The following PLEKHG3 variants were observed in gnomAD, a reference collection of about 807,000 sequenced individuals.
The protein encoded by PLEKHG3 is pleckstrin homology and RhoGEF domain containing G3.
PLEKHG3 carries 62 observed loss-of-function variants against 94.9 expected under a neutral mutation model. The observed-to-expected ratio is 0.65, with a 90% CI of 0.53 to 0.81. The LOEUF (loss-of-function observed/expected upper bound fraction) is 0.81. Among genes scored for constraint, PLEKHG3 ranks in the 30% least tolerant of loss-of-function variants. The pLI, the probability that PLEKHG3 is intolerant of heterozygous loss-of-function variation, is 0.00. For synonymous variants in PLEKHG3, 614 were observed against 654.0 expected (o/e 0.94, Z 0.93); for missense variants, 1,461 against 1,619.3 (o/e 0.90, Z 1.68).
rs778521147 is a variant in PLEKHG3 at position 64,741,495 on chromosome 14, T to C, written c.1978T>C (p.Ser660Pro). 19 of 1,612,596 alleles carry C rather than the reference T, an allele frequency of 1.2e-5. No individual in the cohort carries two copies. In the East Asian group the frequency reaches 3.8e-4, roughly 32 times the overall value. The change falls in exon 16 of 17, where the codon TCC (serine) becomes CCC (proline). Residue 660 changes from serine (S) to proline (P), a missense_variant. Coordinates refer to ENST00000247226, the MANE Select transcript of PLEKHG3 (RefSeq NM_001308147.2). ...GLARHGSATDSLSCQLSPEVD... is the reference protein window; with the variant it reads ...GLARHGSATDPLSCQLSPEVD... ...GGCCCGGCATGGCAGTGCCACAGAC[T>C]CCCTCAGCTGTCAGCTCTCCCCAGA...
In PLEKHG3 at chr14:64,744,358, T is replaced by C. The variant is rs1251505738; in HGVS notation, c.*655T>C. 1 of 152,692 alleles carries C rather than the reference T, an allele frequency of 6.5e-6. No individual in the cohort carries two copies. Among genetic ancestry groups the C allele is most frequent in the African/African-American group, 2.4e-5 (1 of 41,460 alleles). 9.5% of individuals were successfully genotyped at this position (152,692 alleles called of 1,614,324 possible). On this transcript the variant is annotated 3_prime_UTR_variant, in exon 17 of 17. Transcript: ENST00000247226. ...GCTGACCAACCCACTATGTGTGAAC[T>C]CCTTCCTAGGCTTGGCTGGGGTAGG...
Position 64,721,394 on chromosome 14 carries a change from C to T in PLEKHG3, c.-39-6199C>T, listed in dbSNP as rs1396292262. 6.6e-6 allele frequency among the ~76,000 whole-genome samples: 1 copy of T among 152,152 alleles called. No homozygotes were observed. The highest frequency in any genetic ancestry group is 1.9e-4 in the East Asian group (1 of 5,180). ...AACTTTCTGGACTTCAGTTGCAGGC[C>T]CAGGCTTTCTCCTGGAGTCCATGTG... On this transcript the variant is annotated intron_variant, in intron 1 of 16. Coordinates refer to ENST00000247226, the MANE Select transcript of PLEKHG3 (RefSeq NM_001308147.2). The surrounding 1 kb of genome is among the most constrained non-coding windows in gnomAD (Gnocchi z 4.3).
Position 64,727,641 on chromosome 14 carries a change from T to A in PLEKHG3, c.10T>A (p.Ser4Thr), listed in dbSNP as rs2081377415. 6.2e-7 allele frequency: 1 copy of A among 1,609,714 alleles called. No homozygotes were observed. The highest frequency in any genetic ancestry group is 8.5e-7 in the Non-Finnish European group (1 of 1,177,496). Residue 4 changes from serine (S) to threonine (T), a missense_variant, in exon 2 of 17, where the codon TCC becomes ACC. Coordinates refer to ENST00000247226, the MANE Select transcript of PLEKHG3 (RefSeq NM_001308147.2). This position sits in a 1 kb window ranked among gnomAD's most constrained non-coding sequence, Gnocchi z 6.0. MPV[S>T]TSLHQDGSQE... Reference sequence around the variant, plus strand: ...AGGCAGCAATGCCAGGATGCCTGTGTCCACCTCCCTCCACCAGGATGGCAG... The same window carrying A: ...AGGCAGCAATGCCAGGATGCCTGTGACCACCTCCCTCCACCAGGATGGCAG...
chr14:64,717,947 G>A lies in PLEKHG3; in HGVS notation c.-39-9646G>A, dbSNP rs954041657. Among the ~76,000 whole-genome samples the A allele has an allele frequency of 3.3e-5, 5 of 152,340 alleles. No homozygotes were observed. The highest frequency in any genetic ancestry group is 4.8e-5 in the African/African-American group (2 of 41,570). On this transcript the variant is annotated intron_variant, in intron 1 of 16. Transcript: ENST00000247226. This position sits in a 1 kb window ranked among gnomAD's most constrained non-coding sequence, Gnocchi z 4.7. The stretch of plus-strand genomic sequence containing the variant: ...GATCTGTCCTTTCCCACAAAGCCAC[G>A]TGGATTCCTTCCATCTGTCCTTGGC...
chr14:64,732,751 G>T lies in PLEKHG3; in HGVS notation c.1247-52G>T. ...CTGGTTATGGACAGGGTCTAGGGTA[G>T]GCCAAGGCCAATTGGGAATCAAAAG... On this transcript the variant is annotated intron_variant, in intron 11 of 16. Transcript: ENST00000247226. This position sits in a 1 kb window ranked among gnomAD's most constrained non-coding sequence, Gnocchi z 4.9. 7.1e-7 allele frequency: 1 copy of T among 1,414,732 alleles called. No individual in the cohort carries two copies. 87.6% of individuals were successfully genotyped at this position (1,414,732 alleles called of 1,614,324 possible). A position where few individuals can be genotyped will look rare whatever the true frequency, so the allele number is the denominator to read the frequency against.
intron 1 of PLEKHG3, among the ~76,000 whole-genome samples, chr14:64,708,848 C>G (rs905993987): frequency 1.4e-5 from 2 of 147,008 alleles, no homozygotes; most frequent in Non-Finnish European, 3.0e-5. Context: ...GCTGCACACT[C>G]GGCAGCCAGG....
chr14:64,741,342 T>C lies in PLEKHG3; in HGVS notation c.1825T>C (p.Phe609Leu). Residue 609 changes from phenylalanine (F) to leucine (L), a missense_variant, in exon 16 of 17, where the codon TTT becomes CTT. Phe to Leu is a conservative substitution (Grantham distance 22, BLOSUM62 0). Around this residue, in one of 3 missense-constraint regions of PLEKHG3, gnomAD observed 1,201 missense variants for 1,295.5 expected, o/e 0.93. Coordinates refer to ENST00000247226, the MANE Select transcript of PLEKHG3 (RefSeq NM_001308147.2). Reference sequence around the variant, plus strand: ...CCAGGCCAGCGTCATTGCGGAGCGATTTGTCAGCAGCTTCTCTCGGCGGAG... The same window carrying C: ...CCAGGCCAGCGTCATTGCGGAGCGACTTGTCAGCAGCTTCTCTCGGCGGAG... ...LDQASVIAER[F>L]VSSFSRRSSV... 6.2e-7 allele frequency: 1 copy of C among 1,613,638 alleles called. No individual in the cohort carries two copies.
In PLEKHG3 at chr14:64,728,024, C is replaced by G. The variant is rs749136999; in HGVS notation, c.351+42C>G. 15 of 1,226,030 alleles carry G rather than the reference C, an allele frequency of 1.2e-5. No homozygotes were observed. Among genetic ancestry groups the G allele is most frequent in the Middle Eastern group, 2.6e-4 (1 of 3,848 alleles). 75.9% of individuals were successfully genotyped at this position (1,226,030 alleles called of 1,614,324 possible). ...TTGCGGCACAGTATTCTAGCAGAAG[C>G]CTGTTTCACCCTGGGAGGGAAGCTC... On this transcript the variant is annotated intron_variant, in intron 2 of 16. Transcript: ENST00000247226. The surrounding 1 kb of genome is among the most constrained non-coding windows in gnomAD (Gnocchi z 5.9).
In PLEKHG3 at chr14:64,720,254, G is replaced by A. The variant is rs1029820701; in HGVS notation, c.-39-7339G>A. Among the ~76,000 whole-genome samples, 4 of 152,206 alleles carry A rather than the reference G, an allele frequency of 2.6e-5. No homozygotes were observed. The highest frequency in any genetic ancestry group is 9.7e-5 in the African/African-American group (4 of 41,444). ...GTCACCTAGTATGTAGCCCAGCGGG[G>A]CAGCTATGCCGTGCTCTAGCTCCCT... is the stretch of plus-strand genomic sequence containing the variant. On this transcript the variant is annotated intron_variant, in intron 1 of 16. Coordinates refer to ENST00000247226, the MANE Select transcript of PLEKHG3 (RefSeq NM_001308147.2). The surrounding 1 kb of genome is among the most constrained non-coding windows in gnomAD (Gnocchi z 4.1).
chr14:64,724,151 GTC>G (rs988603023), intron 1 of PLEKHG3, among the ~76,000 whole-genome samples: 21 of 152,152 alleles, frequency 1.4e-4, no homozygotes, highest in African/African-American at 4.6e-4. Context: ...CACTTTAACT[GTC>G]TCTGTGGGAG....
At position 64,717,113 on chromosome 14, in the gene PLEKHG3, G is replaced by A. The variant is rs2081179377; in HGVS notation, c.-39-10480G>A. 2.8e-5 allele frequency among the ~76,000 whole-genome samples: 1 copy of A among 35,752 alleles called. No homozygotes were observed. The highest frequency in any genetic ancestry group is 4.7e-5 in the Non-Finnish European group (1 of 21,164). The allele number at this position is 35,752 out of a possible 152,430, so 23.5% of individuals were successfully genotyped here. On this transcript the variant is annotated intron_variant, in intron 1 of 16. Transcript: ENST00000247226. The surrounding 1 kb of genome is among the most constrained non-coding windows in gnomAD (Gnocchi z 4.7). ...GCTGGCCGCCTTTGGGAATTTACAC[G>A]TGTGTGTGTGTGTGTGTGTGTGTGT...
In PLEKHG3 at chr14:64,749,782, G is replaced by C. The variant is rs1245617937; in HGVS notation, c.*6079G>C. ...GCTGGCTCTGATCCCACAATACCCT[G>C]AGCCGAACATCCAGACCCCTCTCAG... On this transcript the variant is annotated 3_prime_UTR_variant, in exon 17 of 17. Coordinates refer to ENST00000247226, the MANE Select transcript of PLEKHG3 (RefSeq NM_001308147.2). This position sits in a 1 kb window ranked among gnomAD's most constrained non-coding sequence, Gnocchi z 4.7. The C allele has an allele frequency of 1.9e-5, 29 of 1,553,836 alleles. No individual in the cohort carries two copies. The highest frequency in any genetic ancestry group is 2.3e-5 in the Non-Finnish European group (26 of 1,138,382).
chr14:64,721,887 G>A lies in PLEKHG3; in HGVS notation c.-39-5706G>A, dbSNP rs1054368323. Among the ~76,000 whole-genome samples the A allele has an allele frequency of 1.3e-5, 2 of 152,212 alleles. No individual in the cohort carries two copies. Among genetic ancestry groups the A allele is most frequent in the South Asian group, 2.1e-4 (1 of 4,832 alleles). ...GAGCCGGGTGGCCCAGAGTGGTGCC[G>A]AGCTGTGGGTAAGAGCACAGCCGAG... On this transcript the variant is annotated intron_variant, in intron 1 of 16. Coordinates refer to ENST00000247226, the MANE Select transcript of PLEKHG3 (RefSeq NM_001308147.2). The surrounding 1 kb of genome is among the most constrained non-coding windows in gnomAD (Gnocchi z 4.3).
intron 1 of PLEKHG3, among the ~76,000 whole-genome samples, chr14:64,706,475 T>C (rs1389794739): frequency 6.6e-6 from 1 of 152,236 alleles, no homozygotes; most frequent in Non-Finnish European, 1.5e-5. Context: ...CTCTTCCTCA[T>C]AGGAGCTGTG....
rs2081898923 is a variant in PLEKHG3, at chr14:64,749,132, G to A, written c.*5429G>A. On this transcript the variant is annotated 3_prime_UTR_variant, in exon 17 of 17. Transcript: ENST00000247226. This position sits in a 1 kb window ranked among gnomAD's most constrained non-coding sequence, Gnocchi z 4.7. ...CGGGCGAGGGCATGGAGGGGGCGTC[G>A]GCCCAGGACACGCGGGCGAAGGCAG... 2 of 682,366 alleles carry A rather than the reference G, an allele frequency of 2.9e-6. No homozygotes were observed. Among genetic ancestry groups the A allele is most frequent in the Non-Finnish European group, 4.6e-6 (2 of 432,362 alleles). The allele number at this position is 682,366 out of a possible 1,614,324, so 42.3% of individuals were successfully genotyped here.
intron 3 of PLEKHG3, among the ~76,000 whole-genome samples, chr14:64,729,563 C>T (rs888956307): frequency 1.7e-4 from 26 of 152,212 alleles, no homozygotes; most frequent in African/African-American, 6.3e-4. Flanking sequence ...GGGGCTGTGT[C>T]AGGGCAAAAG....
chr14:64,711,078 A>C (rs1007204420), intron 1 of PLEKHG3, among the ~76,000 whole-genome samples: 3 of 152,204 alleles, frequency 2.0e-5, no homozygotes, highest in African/African-American at 4.8e-5. Flanking sequence ...AATAAGACCA[A>C]GTAGGTGGTT....
In PLEKHG3 at chr14:64,738,877, TG is replaced by T; in HGVS notation, c.1518+26del. 6.9e-7 allele frequency: 1 copy of T among 1,456,002 alleles called. No individual in the cohort carries two copies. The highest frequency in any genetic ancestry group is 9.5e-7 in the Non-Finnish European group (1 of 1,056,320). The allele number at this position is 1,456,002 out of a possible 1,614,324, so 90.2% of individuals were successfully genotyped here. Reference sequence around the variant, plus strand: ...AGAGGTGAGCGACCAGCAGGTGGGATGGGGATAGTAGGAAGAACTTGGAGTC... The same window carrying T: ...AGAGGTGAGCGACCAGCAGGTGGGATGGGATAGTAGGAAGAACTTGGAGTC... On this transcript the variant is annotated intron_variant, in intron 15 of 16. Coordinates refer to ENST00000247226, the MANE Select transcript of PLEKHG3 (RefSeq NM_001308147.2). The surrounding 1 kb of genome is among the most constrained non-coding windows in gnomAD (Gnocchi z 4.8).
rs769531186 is a variant in PLEKHG3 at position 64,727,786 on chromosome 14, C to T, written c.155C>T (p.Ser52Phe). The T allele has an allele frequency of 3.7e-6, 6 of 1,610,136 alleles. No homozygotes were observed. Among genetic ancestry groups the T allele is most frequent in the East Asian group, 2.2e-5 (1 of 44,768 alleles). ...GCTCCCGCCAAGAATGGGGCAGGCT[C>T]CCTGAGAAGCCGGCATCTGCCCAAC... ...SEAPAKNGAG[S>F]LRSRHLPNSN... The change falls in exon 2 of 17, where the codon TCC becomes TTC. Residue 52 changes from serine (S) to phenylalanine (F), a missense_variant. By Grantham distance (155) the Ser-to-Phe change is radical (BLOSUM62 -2). This residue lies in a region of PLEKHG3 where 253 missense variants were observed against 297.8 expected (regional missense o/e 0.85). Transcript: ENST00000247226. This position sits in a 1 kb window ranked among gnomAD's most constrained non-coding sequence, Gnocchi z 6.0.
Sources: allele counts gnomAD v4.1 joint callset (sites outside exome capture counted in the v4.1 genomes callset), GRCh38; gene constraint gnomAD v4.1.1; regional missense constraint gnomAD v4.1.1; non-coding constraint Gnocchi (gnomAD v3.1); transcripts MANE v1.5; gene names NCBI Gene and HGNC (gene_info 2026-07-23, HGNC 2026-07-21).